PELI1: variants seen among roughly 807,000 people sequenced by gnomAD.
The protein encoded by PELI1 is E3 ubiquitin-protein ligase pellino homolog 1.
PELI1 carries 15 observed loss-of-function variants against 41.3 expected under a neutral mutation model. That is an observed-to-expected ratio of 0.36 (90% CI 0.24 to 0.56). PELI1 has a LOEUF of 0.56. PELI1 is among the 20% of genes least tolerant of loss of function. The pLI is 0.82. For synonymous variants in PELI1, 178 were observed against 180.1 expected (o/e 0.99, Z 0.09); for missense variants, 403 against 525.5 (o/e 0.77, Z 2.28).
chr2:64,112,585 C>T (rs531913701), intron 1 of PELI1, among the ~76,000 whole-genome samples: 1 of 152,160 alleles, frequency 6.6e-6, no homozygotes, highest in African/African-American at 2.4e-5. Context: ...TCTTAGAAGG[C>T]CTTATCTGGG....
rs1680127541 is a variant in PELI1 at position 64,093,659 on chromosome 2, A to G, written c.*1043T>C. 1 of 152,632 alleles carries G rather than the reference A, an allele frequency of 6.6e-6. No homozygotes were observed. Among genetic ancestry groups the G allele is most frequent in the Non-Finnish European group, 1.5e-5 (1 of 68,036 alleles). The allele number at this position is 152,632 out of a possible 1,614,324, so 9.5% of individuals were successfully genotyped here. The stretch of plus-strand genomic sequence containing the variant: ...CTGGTCTGCTAAAAACGGGGGCACT[A>G]TTGTCATTCAACCCTTTAGATCTCT... On this transcript the variant is annotated 3_prime_UTR_variant, in exon 7 of 7. Coordinates refer to ENST00000358912, the MANE Select transcript of PELI1 (RefSeq NM_020651.4).
chr2:64,107,609 G>T (rs79296559), intron 2 of PELI1, among the ~76,000 whole-genome samples: 1 of 151,962 alleles, frequency 6.6e-6, no homozygotes. Flanking sequence ...AGTCAGCTGA[G>T]GCAAAACATG....
chr2:64,120,153 G>A (rs139451199), intron 1 of PELI1, among the ~76,000 whole-genome samples: 4 of 152,310 alleles, frequency 2.6e-5, no homozygotes, highest in South Asian at 4.1e-4. Context: ...CCAGAGGTAA[G>A]CTGGGATTGG....
chr2:64,137,216 A>ATGG (rs1681745563), intron 1 of PELI1, among the ~76,000 whole-genome samples: 2 of 152,186 alleles, frequency 1.3e-5, no homozygotes, highest in South Asian at 4.1e-4. Context: ...AACAGTTCTT[A>ATGG]TGGTAAATCA....
chr2:64,116,438 A>ATT (rs1680994970), intron 1 of PELI1, among the ~76,000 whole-genome samples: 1 of 152,204 alleles, frequency 6.6e-6, no homozygotes, highest in Admixed American at 6.5e-5. Flanking sequence ...TTTGGCAGTT[A>ATT]TTTGGAACAA....
At chr2:64,105,395 TTTG>T (rs1416770565) in intron 2 of PELI1, among the ~76,000 whole-genome samples, 2 of 152,180 alleles carry the variant, frequency 1.3e-5, no homozygotes, top group South Asian at 2.1e-4. Flanking sequence ...TAAACATACT[TTTG>T]TTGTTCAGAT....
chr2:64,121,157 G>A (rs1250851371), intron 1 of PELI1, among the ~76,000 whole-genome samples: 2 of 152,190 alleles, frequency 1.3e-5, no homozygotes, highest in Non-Finnish European at 2.9e-5. Flanking sequence ...TTCAGTCCAG[G>A]AAACATACCT....
chr2:64,111,301 T>A (rs1026806526), intron 1 of PELI1, among the ~76,000 whole-genome samples: 2 of 152,122 alleles, frequency 1.3e-5, no homozygotes, highest in Non-Finnish European at 2.9e-5. Context: ...GCCCAATGAA[T>A]AAGAACACGT....
At chr2:64,114,050 C>A (rs1680909568) in intron 1 of PELI1, among the ~76,000 whole-genome samples, 2 of 151,842 alleles carry the variant, frequency 1.3e-5, no homozygotes, top group South Asian at 4.1e-4. Flanking sequence ...CTTCTGAGCA[C>A]TTCTATTTTA....
chr2:64,107,648 G>A (rs1680663689), intron 2 of PELI1, among the ~76,000 whole-genome samples: 1 of 151,956 alleles, frequency 6.6e-6, no homozygotes, highest in African/African-American at 2.4e-5. Flanking sequence ...GAATGACTGT[G>A]ACAGTGGATA....
chr2:64,121,218 T>C (rs553130468), intron 1 of PELI1, among the ~76,000 whole-genome samples: 2 of 152,228 alleles, frequency 1.3e-5, no homozygotes, highest in African/African-American at 2.4e-5. Context: ...TGATCCTGCC[T>C]TGTCATGTGA....
At chr2:64,117,813 A>AT (rs1231544310) in intron 1 of PELI1, among the ~76,000 whole-genome samples, 4 of 151,632 alleles carry the variant, frequency 2.6e-5, no homozygotes, top group Non-Finnish European at 4.4e-5. Flanking sequence ...TTTTCCCAAT[A>AT]ATTTTTTTTT....
chr2:64,119,535 G>A (rs543239298), intron 1 of PELI1, among the ~76,000 whole-genome samples: 21 of 152,306 alleles, frequency 1.4e-4, no homozygotes, highest in African/African-American at 4.8e-4. Context: ...ACCTCGTAAC[G>A]TGTGTAGGTG....
At chr2:64,103,315 A>C (rs56028117) in intron 3 of PELI1, among the ~76,000 whole-genome samples, 11,611 of 152,252 alleles carry the variant, frequency 0.076, 646 homozygotes, top group African/African-American at 0.16. Flanking sequence ...GTTTTCAACC[A>C]GAGGTAGTAT....
chr2:64,139,988 G>A (rs1681845009), intron 1 of PELI1, among the ~76,000 whole-genome samples: 1 of 152,158 alleles, frequency 6.6e-6, no homozygotes, highest in Non-Finnish European at 1.5e-5. Context: ...TGAAATTTTA[G>A]CATGATAAAT....
chr2:64,113,300 G>GAAAAAAAAAAAAAA (rs57291699), intron 1 of PELI1, among the ~76,000 whole-genome samples: 1 of 131,782 alleles, frequency 7.6e-6, no homozygotes. Context: ...CAAAAAAAAA[G>GAAAAAAAAAAAAAA]AAAAAAAAAA....
At position 64,093,085 on chromosome 2, in the gene PELI1, A is replaced by G. The variant is rs1240540675; in HGVS notation, c.*1617T>C. 2 of 152,670 alleles carry G rather than the reference A, an allele frequency of 1.3e-5. No individual in the cohort carries two copies. Among genetic ancestry groups the G allele is most frequent in the African/African-American group, 4.8e-5 (2 of 41,462 alleles). 9.5% of individuals were successfully genotyped at this position (152,670 alleles called of 1,614,324 possible). A position where few individuals can be genotyped will look rare whatever the true frequency, so the allele number is the denominator to read the frequency against. On this transcript the variant is annotated 3_prime_UTR_variant, in exon 7 of 7. Coordinates refer to ENST00000358912, the MANE Select transcript of PELI1 (RefSeq NM_020651.4). ...ATACATCACAACTAATAAACTTATA[A>G]TACAAGTTTCCTGACATGCATTTCC...
intron 1 of PELI1, among the ~76,000 whole-genome samples, chr2:64,116,593 TGATTTA>T (rs879463491): frequency 6.6e-6 from 1 of 152,206 alleles, no homozygotes; most frequent in Non-Finnish European, 1.5e-5. Context: ...ATGTATTAAG[TGATTTA>T]ATCTCTGGGA....
At chr2:64,103,102 C>T (rs1680501330) in intron 3 of PELI1, among the ~76,000 whole-genome samples, 1 of 152,060 alleles carries the variant, frequency 6.6e-6, no homozygotes, top group East Asian at 1.9e-4. Context: ...CTTGGCCTCT[C>T]AAGTGCTGGG....
Sources: gnomAD v4.1 joint callset for allele counts (sites outside exome capture counted in the v4.1 genomes callset) on GRCh38, gnomAD v4.1.1 for gene constraint, MANE v1.5 for transcripts, NCBI Gene and HGNC (gene_info 2026-07-23, HGNC 2026-07-21) for gene names.